RNF24: variants seen among roughly 807,000 people sequenced by gnomAD.
The protein encoded by RNF24 is ring finger protein 24.
RNF24 carries 14 observed loss-of-function variants against 20.0 expected under a neutral mutation model. The ratio of observed to expected loss-of-function variants is 0.70; its 90% confidence interval spans 0.46 to 1.10. The LOEUF is 1.10. Among genes scored for constraint, RNF24 ranks in the 50% least tolerant of loss-of-function variants. The probability of loss-of-function intolerance (pLI) is 0.00; values close to 1 mark genes in which losing one functional copy is unlikely to be tolerated. For synonymous variants in RNF24, 45 were observed against 61.1 expected (o/e 0.74, Z 1.23); for missense variants, 124 against 177.6 (o/e 0.70, Z 1.71).
chr20:3,989,408 G>A (rs1445906848), intron 1 of RNF24, among the ~76,000 whole-genome samples: 6 of 151,802 alleles, frequency 4.0e-5, no homozygotes, highest in Non-Finnish European at 4.4e-5. Context: ...GGAGAATGGC[G>A]TGAACCCTGG....
intron 1 of RNF24, among the ~76,000 whole-genome samples, chr20:3,967,123 T>C (rs2146996083): frequency 6.6e-6 from 1 of 152,342 alleles, no homozygotes; most frequent in Middle Eastern, 3.4e-3. Context: ...CAGTGACACA[T>C]TAGTTTTTAC....
intron 1 of RNF24, among the ~76,000 whole-genome samples, chr20:3,996,259 C>A (rs936920068): frequency 1.7e-4 from 26 of 152,164 alleles, no homozygotes; most frequent in African/African-American, 6.3e-4. Context: ...ATATCAACTC[C>A]AAAATTCAAA....
At chr20:4,005,054 G>C (rs1159176464) in intron 1 of RNF24, among the ~76,000 whole-genome samples, 1 of 152,194 alleles carries the variant, frequency 6.6e-6, no homozygotes, top group Non-Finnish European at 1.5e-5. Flanking sequence ...ATAGTAAAGA[G>C]ACTGTATTCT....
At chr20:3,937,610 C>G (rs1333174468) in intron 4 of RNF24, among the ~76,000 whole-genome samples, 1 of 143,280 alleles carries the variant, frequency 7.0e-6, no homozygotes, top group Non-Finnish European at 1.5e-5. Context: ...ATTCCCCATT[C>G]TCCCCTTTCC....
At chr20:3,936,215 A>T (rs1176896596) in intron 4 of RNF24, among the ~76,000 whole-genome samples, 1 of 152,154 alleles carries the variant, frequency 6.6e-6, no homozygotes. Flanking sequence ...AGGAGAATGG[A>T]TAACTGTGCT....
intron 1 of RNF24, among the ~76,000 whole-genome samples, chr20:3,986,508 T>C (rs921321534): frequency 6.6e-6 from 1 of 152,144 alleles, no homozygotes; most frequent in Non-Finnish European, 1.5e-5. Flanking sequence ...CCCCCTGCCT[T>C]GGCCTCCCAA....
At chr20:3,996,653 G>A (rs914137977) in intron 1 of RNF24, among the ~76,000 whole-genome samples, 3 of 152,100 alleles carry the variant, frequency 2.0e-5, no homozygotes, top group Non-Finnish European at 4.4e-5. Flanking sequence ...AGCTGTGCAC[G>A]GCCATATGTC....
intron 1 of RNF24, among the ~76,000 whole-genome samples, chr20:3,989,546 T>C (rs945304549): frequency 5.3e-5 from 8 of 152,082 alleles, no homozygotes; most frequent in African/African-American, 1.4e-4. Flanking sequence ...AATTGACAGA[T>C]GAACAGGACA....
In RNF24 at chr20:3,929,846, A is replaced by C. The variant is rs1257329648; in HGVS notation, c.*4217T>G. ...ATTCTGATTTGTACAGAAAACTAAA[A>C]TTTCAGTATGTTGCAATAAAATGAA... is the stretch of plus-strand genomic sequence containing the variant. On this transcript the variant is annotated 3_prime_UTR_variant, in exon 6 of 6. Coordinates refer to ENST00000358395, the MANE Select transcript of RNF24 (RefSeq NM_001134337.3). 15 of 152,212 alleles carry C rather than the reference A, an allele frequency of 9.9e-5. No homozygotes were observed. Among genetic ancestry groups the C allele is most frequent in the Admixed American group, 9.2e-4 (14 of 15,286 alleles). 9.4% of individuals were successfully genotyped at this position (152,212 alleles called of 1,614,324 possible). A position where few individuals can be genotyped will look rare whatever the true frequency, so the allele number is the denominator to read the frequency against.
At chr20:3,940,727 G>T (rs2090945160) in intron 4 of RNF24, among the ~76,000 whole-genome samples, 1 of 152,146 alleles carries the variant, frequency 6.6e-6, no homozygotes, top group Non-Finnish European at 1.5e-5. Flanking sequence ...TGATTCAAGT[G>T]ACCTGATTTC....
At chr20:3,972,647 T>A (rs1232036387) in intron 1 of RNF24, among the ~76,000 whole-genome samples, 2 of 152,156 alleles carry the variant, frequency 1.3e-5, no homozygotes, top group Non-Finnish European at 2.9e-5. Flanking sequence ...ACGCTTATAA[T>A]CCCAGCACTG....
At chr20:4,009,838 AG>A (rs398121133) in intron 1 of RNF24, among the ~76,000 whole-genome samples, 5 of 151,822 alleles carry the variant, frequency 3.3e-5, no homozygotes, top group Admixed American at 2.0e-4. Context: ...TAGAAAAAAA[AG>A]GGTTTTTAAT....
At chr20:3,953,253 G>A (rs1327467726) in intron 2 of RNF24, among the ~76,000 whole-genome samples, 1 of 152,022 alleles carries the variant, frequency 6.6e-6, no homozygotes, top group Non-Finnish European at 1.5e-5. Context: ...CTGGGTTCAC[G>A]CCATTCTCCT....
chr20:3,999,846 A>AT (rs748479757), intron 1 of RNF24, among the ~76,000 whole-genome samples: 12 of 152,244 alleles, frequency 7.9e-5, no homozygotes, highest in Non-Finnish European at 1.6e-4. Flanking sequence ...GAGCCTTAAG[A>AT]TAAAAAAGAA....
At chr20:4,004,282 T>G (rs1286302655) in intron 1 of RNF24, among the ~76,000 whole-genome samples, 2 of 152,208 alleles carry the variant, frequency 1.3e-5, no homozygotes, top group Non-Finnish European at 2.9e-5. Flanking sequence ...TTCAATCTTC[T>G]GTCTTTCTAT....
intron 1 of RNF24, among the ~76,000 whole-genome samples, chr20:4,013,189 G>GT (rs574194736): frequency 6.1e-4 from 93 of 152,096 alleles, no homozygotes; most frequent in African/African-American, 2.2e-3. Context: ...TTTGAACGTG[G>GT]TAAGAATTTT....
chr20:3,964,030 G>A lies in RNF24; in HGVS notation c.-7-6C>T. On this transcript the variant is annotated splice_region_variant and splice_polypyrimidine_tract_variant and intron_variant, in intron 1 of 5. Transcript: ENST00000358395. ...AATCCGAGCTCATGGATGAACTGTG[G>A]GGGAAGAAAAGAATGGAAAAAAAAT... 6.2e-7 allele frequency: 1 copy of A among 1,609,718 alleles called. No homozygotes were observed. Among genetic ancestry groups the A allele is most frequent in the African/African-American group, 1.3e-5 (1 of 74,676 alleles).
At chr20:3,964,153 T>G (rs1462381169) in intron 1 of RNF24, 129 bp from the exon 2 acceptor site, 10 of 674,738 alleles carry the variant, frequency 1.5e-5, no homozygotes, top group Non-Finnish European at 2.3e-5. Context: ...GTGTTAATAT[T>G]CTTGCCATTC....
chr20:3,997,024 T>C (rs1980924756), intron 1 of RNF24, among the ~76,000 whole-genome samples: 1 of 151,490 alleles, frequency 6.6e-6, no homozygotes, highest in Admixed American at 6.6e-5. Flanking sequence ...ATCGAGACCA[T>C]CCTGGCTAAC....
Sources: gnomAD v4.1 joint callset for allele counts (sites outside exome capture counted in the v4.1 genomes callset) on GRCh38, gnomAD v4.1.1 for gene constraint, MANE v1.5 for transcripts, NCBI Gene and HGNC (gene_info 2026-07-23, HGNC 2026-07-21) for gene names.